The following GUCY1A2 variants were observed in gnomAD, a reference collection of about 807,000 sequenced individuals.
GUCY1A2 encodes the protein guanylate cyclase soluble subunit alpha-2.
A neutral mutation model predicts 63.5 loss-of-function variants in GUCY1A2; 27 were observed. That is an observed-to-expected ratio of 0.43 (90% CI 0.31 to 0.59). The LOEUF (loss-of-function observed/expected upper bound fraction) is 0.59. Ranked by LOEUF, GUCY1A2 falls within the 20% of genes least tolerant of loss-of-function variation. GUCY1A2 has a pLI of 0.11. For missense variants in GUCY1A2, 768 were observed against 913.3 expected, an observed-to-expected ratio of 0.84 and a Z score of 2.05; for synonymous variants, 364 against 343.5, an observed-to-expected ratio of 1.06 and a Z score of -0.66.
intron 6 of GUCY1A2, among the ~76,000 whole-genome samples, chr11:106,744,778 A>G (rs10890575): frequency 0.38 from 58,022 of 151,890 alleles, 11,444 homozygotes; most frequent in African/African-American, 0.45. Context: ...TTATATTATG[A>G]TCCATATAAA....
chr11:106,804,188 A>G (rs758530119), intron 5 of GUCY1A2, among the ~76,000 whole-genome samples: 2 of 152,252 alleles, frequency 1.3e-5, no homozygotes, highest in African/African-American at 2.4e-5. Flanking sequence ...TTTTGACTTA[A>G]GAAATTCTTA....
At chr11:106,977,507 T>A (rs1186204908) in intron 3 of GUCY1A2, among the ~76,000 whole-genome samples, 6 of 152,172 alleles carry the variant, frequency 3.9e-5, no homozygotes, top group Admixed American at 2.6e-4. Context: ...TTTCTTATTA[T>A]ACAATTTTGT....
At chr11:106,799,963 A>C (rs1257626091) in intron 5 of GUCY1A2, among the ~76,000 whole-genome samples, 1 of 152,168 alleles carries the variant, frequency 6.6e-6, no homozygotes, top group Non-Finnish European at 1.5e-5. Flanking sequence ...CAACCTACAA[A>C]ATGGGAGAAA....
chr11:107,000,162 A>C (rs1861593980), intron 1 of GUCY1A2, among the ~76,000 whole-genome samples: 1 of 152,236 alleles, frequency 6.6e-6, no homozygotes. Context: ...TTCAGAACAA[A>C]GGGGAAGATT....
At position 106,824,219 on chromosome 11, in the gene GUCY1A2, A is replaced by T; in HGVS notation, c.1207-13741T>A. The T allele has an allele frequency of 3.5e-6, 4 of 1,157,660 alleles. No individual in the cohort carries two copies. The South Asian group carries it at 7.3e-5, about 21-fold the overall frequency. The allele number at this position is 1,157,660 out of a possible 1,614,324, so 71.7% of individuals were successfully genotyped here. On this transcript the variant is annotated intron_variant, in intron 4 of 7. Coordinates refer to ENST00000526355, the MANE Select transcript of GUCY1A2 (RefSeq NM_000855.3). The stretch of plus-strand genomic sequence containing the variant: ...ATTAATTTTCAGTTTTATATATTTT[A>T]AAAAGTATATTAAAGCCTATGGGAT...
chr11:106,773,546 G>A (rs1864296662), intron 6 of GUCY1A2, among the ~76,000 whole-genome samples: 1 of 152,162 alleles, frequency 6.6e-6, no homozygotes, highest in Admixed American at 6.5e-5. Context: ...GTCTAGGAGA[G>A]GAAATGCTGG....
In GUCY1A2 at chr11:106,957,402, G is replaced by A. The variant is rs1417661634; in HGVS notation, c.488-17224C>T. ...GGCTGTAAGAATCTGCATGTTCCAA[G>A]GCTGGGACGCTAGGCCCTGGTGGCG... On this transcript the variant is annotated intron_variant, in intron 3 of 7. Transcript: ENST00000526355. Among the ~76,000 whole-genome samples the A allele has an allele frequency of 2.6e-5, 4 of 152,218 alleles. No individual in the cohort carries two copies. In the East Asian group the frequency reaches 7.7e-4, roughly 29 times the overall value.
chr11:106,814,498 A>G (rs1186420600), intron 4 of GUCY1A2, among the ~76,000 whole-genome samples: 1 of 152,040 alleles, frequency 6.6e-6, no homozygotes, highest in Admixed American at 6.6e-5. Context: ...CTCACTACTC[A>G]AGAAATTGTA....
intron 3 of GUCY1A2, among the ~76,000 whole-genome samples, chr11:106,946,165 G>A (rs947081662): frequency 1.3e-5 from 2 of 152,002 alleles, no homozygotes; most frequent in African/African-American, 4.8e-5. Flanking sequence ...GATTTGGGGG[G>A]ATAGGAATAA....
At chr11:106,803,151 T>G (rs1466238524) in intron 5 of GUCY1A2, among the ~76,000 whole-genome samples, 2 of 152,152 alleles carry the variant, frequency 1.3e-5, no homozygotes, top group Non-Finnish European at 2.9e-5. Flanking sequence ...GAAAAATAAT[T>G]CAGGCTGCCG....
chr11:106,885,221 G>A (rs900753667), intron 4 of GUCY1A2, among the ~76,000 whole-genome samples: 2 of 152,070 alleles, frequency 1.3e-5, no homozygotes, highest in South Asian at 2.1e-4. Flanking sequence ...AAAGATAGTG[G>A]GATTCTCTGA....
At chr11:106,827,773 A>T in intron 4 of GUCY1A2, 1 of 1,536,370 alleles carries the variant, frequency 6.5e-7, no homozygotes, top group East Asian at 2.2e-5. Flanking sequence ...GCTGTTACCA[A>T]GAGAATATCT....
At chr11:106,786,069 C>T (rs767869884) in intron 5 of GUCY1A2, among the ~76,000 whole-genome samples, 84 of 152,272 alleles carry the variant, frequency 5.5e-4, no homozygotes, top group Non-Finnish European at 8.7e-4. Context: ...CACACACGTA[C>T]ACACCACACA....
chr11:106,736,386 C>T (rs1014856189), intron 6 of GUCY1A2, among the ~76,000 whole-genome samples: 5 of 152,186 alleles, frequency 3.3e-5, no homozygotes, highest in Admixed American at 6.6e-5. Flanking sequence ...ATTGAAGAGA[C>T]GATCCTTTCC....
At chr11:106,726,227 C>G (rs572451204) in intron 6 of GUCY1A2, among the ~76,000 whole-genome samples, 1 of 151,910 alleles carries the variant, frequency 6.6e-6, no homozygotes, top group African/African-American at 2.4e-5. Context: ...CCAGCCTGAC[C>G]GACATGGTAA....
At chr11:106,922,662 C>T (rs1353661253) in intron 4 of GUCY1A2, among the ~76,000 whole-genome samples, 3 of 124,794 alleles carry the variant, frequency 2.4e-5, no homozygotes, top group African/African-American at 6.4e-5. Context: ...TTGTTAACTA[C>T]ATATATATAT....
intron 4 of GUCY1A2, among the ~76,000 whole-genome samples, chr11:106,835,626 G>A (rs10749879): frequency 0.91 from 138,040 of 151,642 alleles, 62,904 homozygotes; most frequent in East Asian, 1. Flanking sequence ...AGAATTAGAC[G>A]CTTAGTCATG....
At chr11:106,703,024 A>T (rs1435312600) in intron 7 of GUCY1A2, among the ~76,000 whole-genome samples, 4 of 152,122 alleles carry the variant, frequency 2.6e-5, no homozygotes, top group Non-Finnish European at 5.9e-5. Flanking sequence ...GGTGGACACA[A>T]TCTAATCTAT....
At chr11:106,862,663 C>T (rs1859529720) in intron 4 of GUCY1A2, among the ~76,000 whole-genome samples, 1 of 151,886 alleles carries the variant, frequency 6.6e-6, no homozygotes, top group South Asian at 2.1e-4. Flanking sequence ...ACCGTTTTTG[C>T]TAGATTAATG....
Sources: allele counts gnomAD v4.1 joint callset (sites outside exome capture counted in the v4.1 genomes callset), GRCh38; gene constraint gnomAD v4.1.1; transcripts MANE v1.5; gene names NCBI Gene and HGNC (gene_info 2026-07-23, HGNC 2026-07-21).